PTH2R: variants seen among roughly 807,000 people sequenced by gnomAD.
PTH2R encodes parathyroid hormone 2 receptor, also known as PTH2 receptor.
Under a neutral mutation model 60.3 loss-of-function variants are expected in PTH2R, and 59 were observed. The ratio of observed to expected loss-of-function variants is 0.98; its 90% CI spans 0.79 to 1.22. The LOEUF is 1.22. Among genes scored for constraint, PTH2R ranks in the 50% most tolerant of loss-of-function variants. PTH2R has a pLI of 0.00. For missense variants in PTH2R, 749 were observed against 682.6 expected, an observed-to-expected ratio of 1.10 and a Z score of -1.08; for synonymous variants, 256 against 243.8, an observed-to-expected ratio of 1.05 and a Z score of -0.47.
chr2:208,381,280 C>A (rs1700908238), intron 1 of PTH2R, among the ~76,000 whole-genome samples: 1 of 152,016 alleles, frequency 6.6e-6, no homozygotes, highest in South Asian at 2.1e-4. Context: ...TCTACTTGAA[C>A]TTTGCAGGTA....
intron 9 of PTH2R, among the ~76,000 whole-genome samples, chr2:208,479,875 C>T (rs905704285): frequency 5.3e-5 from 8 of 152,208 alleles, no homozygotes; most frequent in African/African-American, 1.9e-4. Context: ...AGTGTCTCCT[C>T]CATGTTCATG....
chr2:208,486,542 G>T (rs1296680252), intron 10 of PTH2R, among the ~76,000 whole-genome samples: 1 of 152,138 alleles, frequency 6.6e-6, no homozygotes. Context: ...TTTTGAGAAC[G>T]GTCTCTGGGA....
intron 9 of PTH2R, among the ~76,000 whole-genome samples, chr2:208,461,005 T>C (rs921805321): frequency 2.0e-5 from 3 of 152,082 alleles, no homozygotes; most frequent in African/African-American, 7.2e-5. Context: ...AAAAGCTTAT[T>C]TACCTCATAG....
intron 1 of PTH2R, among the ~76,000 whole-genome samples, chr2:208,394,653 G>T (rs567034231): frequency 6.6e-6 from 1 of 152,256 alleles, no homozygotes; most frequent in African/African-American, 2.4e-5. Flanking sequence ...CTAAAAAAAT[G>T]GATCTCAAGA....
At chr2:208,379,718 G>C (rs1228391491) in intron 1 of PTH2R, among the ~76,000 whole-genome samples, 1 of 151,870 alleles carries the variant, frequency 6.6e-6, no homozygotes, top group African/African-American at 2.4e-5. Flanking sequence ...AAATTAGCTG[G>C]GTGTGGTGGT....
chr2:208,432,400 A>G (rs915365698), intron 2 of PTH2R, among the ~76,000 whole-genome samples: 4 of 152,232 alleles, frequency 2.6e-5, no homozygotes, highest in Non-Finnish European at 5.9e-5. Flanking sequence ...ACTGAAGATG[A>G]ATCTTAATTA....
intron 10 of PTH2R, among the ~76,000 whole-genome samples, chr2:208,483,074 A>T (rs1574913717): frequency 6.7e-6 from 1 of 149,596 alleles, no homozygotes; most frequent in African/African-American, 2.6e-5. Flanking sequence ...CAATAGTTTC[A>T]GGGGGGGTCC....
At chr2:208,433,624 TAAG>T in intron 2 of PTH2R, among the ~76,000 whole-genome samples, 1 of 152,294 alleles carries the variant, frequency 6.6e-6, no homozygotes, top group Middle Eastern at 3.4e-3. Flanking sequence ...TAAAAGAACA[TAAG>T]AACATAAAAG....
intron 4 of PTH2R, among the ~76,000 whole-genome samples, chr2:208,439,166 A>G (rs1702134132): frequency 6.6e-6 from 1 of 152,146 alleles, no homozygotes; most frequent in African/African-American, 2.4e-5. Flanking sequence ...TCATGGTTTT[A>G]TTTATATTGA....
At position 208,407,012 on chromosome 2, in the gene PTH2R, G is replaced by C; in HGVS notation, c.-32G>C. On this transcript the variant is annotated 5_prime_UTR_variant, in exon 1 of 13. Coordinates refer to ENST00000272847, the MANE Select transcript of PTH2R (RefSeq NM_005048.4). The stretch of plus-strand genomic sequence containing the variant: ...AAGCTTCTCCCGGGCTCTGGAGGAG[G>C]GTCCCTGCTTCTTCCTACAGCCGTT... 1 of 1,371,168 alleles carries C rather than the reference G, an allele frequency of 7.3e-7. No individual in the cohort carries two copies. Among genetic ancestry groups the C allele is most frequent in the Non-Finnish European group, 9.5e-7 (1 of 1,055,368 alleles). 84.9% of individuals were successfully genotyped at this position (1,371,168 alleles called of 1,614,324 possible). A position where few individuals can be genotyped will look rare whatever the true frequency, so the allele number is the denominator to read the frequency against.
At chr2:208,483,958 G>C (rs1262093323) in intron 10 of PTH2R, among the ~76,000 whole-genome samples, 1 of 152,108 alleles carries the variant, frequency 6.6e-6, no homozygotes, top group Non-Finnish European at 1.5e-5. Flanking sequence ...ATAGGCTTAG[G>C]AAAATTAAAT....
chr2:208,378,057 C>A (rs1163120223), intron 1 of PTH2R, among the ~76,000 whole-genome samples: 1 of 150,262 alleles, frequency 6.7e-6, no homozygotes, highest in Non-Finnish European at 1.5e-5. Context: ...GCCGAGATCA[C>A]GCCACTGCAC....
intron 1 of PTH2R, among the ~76,000 whole-genome samples, chr2:208,371,879 C>T (rs1183941475): frequency 6.6e-6 from 1 of 152,016 alleles, no homozygotes; most frequent in African/African-American, 2.4e-5. Flanking sequence ...TTTTGGTTCA[C>T]CACTAATGTT....
At chr2:208,445,281 C>G (rs900047567) in intron 7 of PTH2R, among the ~76,000 whole-genome samples, 1 of 151,896 alleles carries the variant, frequency 6.6e-6, no homozygotes, top group African/African-American at 2.4e-5. Flanking sequence ...GTTTGTATTT[C>G]TAGGTCATAT....
chr2:208,448,783 T>C (rs1009579174), intron 7 of PTH2R, among the ~76,000 whole-genome samples: 1 of 151,796 alleles, frequency 6.6e-6, no homozygotes, highest in Non-Finnish European at 1.5e-5. Context: ...TTCTAAATTA[T>C]GTAACAATTC....
At chr2:208,418,665 AAG>A (rs1340508053) in intron 1 of PTH2R, among the ~76,000 whole-genome samples, 1 of 152,158 alleles carries the variant, frequency 6.6e-6, no homozygotes, top group Non-Finnish European at 1.5e-5. Context: ...AGGGAGAAAT[AAG>A]ATAAAAAATT....
rs528501036 is a variant in PTH2R, at chr2:208,391,857, A to C, written c.-259+31620A>C. Among the ~76,000 whole-genome samples the C allele has an allele frequency of 3.9e-5, 6 of 152,342 alleles. No homozygotes were observed. In the South Asian group the frequency reaches 6.2e-4, roughly 16 times the overall value. On this transcript the variant is annotated intron_variant, in intron 1 of 12. Coordinates refer to the PTH2R transcript ENST00000617735. Reference sequence around the variant, plus strand: ...GAAACCTTATATCCTCTGCTAGATAAGAAGTTGAGAAGAGCTTCAGTACCT... The same window carrying C: ...GAAACCTTATATCCTCTGCTAGATACGAAGTTGAGAAGAGCTTCAGTACCT...
intron 9 of PTH2R, among the ~76,000 whole-genome samples, chr2:208,476,583 A>C (rs1703009345): frequency 6.6e-6 from 1 of 152,220 alleles, no homozygotes; most frequent in Non-Finnish European, 1.5e-5. Flanking sequence ...GTAAAAGTTC[A>C]GCATTTAGTA....
At chr2:208,364,191 T>C (rs781387285) in intron 1 of PTH2R, among the ~76,000 whole-genome samples, 3 of 152,254 alleles carry the variant, frequency 2.0e-5, no homozygotes, top group Non-Finnish European at 4.4e-5. Context: ...TTCACTATTG[T>C]GTCCTTCAAT....
Sources: allele counts gnomAD v4.1 joint callset (sites outside exome capture counted in the v4.1 genomes callset), GRCh38; gene constraint gnomAD v4.1.1; transcripts MANE v1.5; gene names NCBI Gene and HGNC (gene_info 2026-07-23, HGNC 2026-07-21).